The following EXT1 variants were observed in gnomAD, a reference collection of about 807,000 sequenced individuals.
EXT1 encodes exostosin-1.
A neutral mutation model predicts 82.5 loss-of-function variants in EXT1; 20 were observed. The observed-to-expected ratio is 0.24, with a 90% CI of 0.17 to 0.35. EXT1 has a LOEUF of 0.35. Ranked by LOEUF, EXT1 falls within the 10% of genes least tolerant of loss-of-function variation. EXT1 has a pLI of 1.00. For synonymous variants in EXT1, 348 were observed against 350.8 expected (o/e 0.99, Z 0.09); for missense variants, 757 against 936.5 (o/e 0.81, Z 2.50).
chr8:117,899,538 C>A (rs1813403873), intron 1 of EXT1, among the ~76,000 whole-genome samples: 1 of 152,180 alleles, frequency 6.6e-6, no homozygotes, highest in African/African-American at 2.4e-5. Context: ...GTTCACAGGA[C>A]ATCAGCTTCT....
intron 1 of EXT1, among the ~76,000 whole-genome samples, chr8:117,934,577 T>A (rs1241908783): frequency 6.6e-6 from 1 of 152,214 alleles, no homozygotes; most frequent in East Asian, 1.9e-4. Context: ...CTCATCTGGA[T>A]AACCCTCTTT....
chr8:117,954,529 T>A (rs1388364585), intron 1 of EXT1, among the ~76,000 whole-genome samples: 1 of 152,342 alleles, frequency 6.6e-6, no homozygotes, highest in African/African-American at 2.4e-5. Context: ...CTATTCGTTG[T>A]TATTTAGATT....
intron 1 of EXT1, among the ~76,000 whole-genome samples, chr8:117,857,851 T>C (rs1212068806): frequency 1.3e-5 from 2 of 152,174 alleles, no homozygotes; most frequent in African/African-American, 2.4e-5. Context: ...CCATTCTAGA[T>C]GCCATAAAGA....
intron 1 of EXT1, among the ~76,000 whole-genome samples, chr8:118,000,323 A>G (rs1815635540): frequency 6.6e-6 from 1 of 152,114 alleles, no homozygotes; most frequent in African/African-American, 2.4e-5. Context: ...CAAAATGAAC[A>G]ATCCCTGACT....
At chr8:117,918,570 G>A (rs1813796409) in intron 1 of EXT1, among the ~76,000 whole-genome samples, 1 of 152,214 alleles carries the variant, frequency 6.6e-6, no homozygotes, top group Non-Finnish European at 1.5e-5. Flanking sequence ...GTGACACTGT[G>A]TCTGTTTTAA....
intron 1 of EXT1, among the ~76,000 whole-genome samples, chr8:117,998,468 G>A (rs1280510281): frequency 6.6e-6 from 1 of 152,056 alleles, no homozygotes; most frequent in African/African-American, 2.4e-5. Flanking sequence ...GTGCCACCAA[G>A]TCTGGCTAAT....
intron 1 of EXT1, among the ~76,000 whole-genome samples, chr8:117,907,400 CTCTA>C (rs960421702): frequency 7.9e-5 from 12 of 152,200 alleles, no homozygotes; most frequent in South Asian, 2.1e-4. Flanking sequence ...TCGACAAAGC[CTCTA>C]TCTGTTTCAT....
At chr8:117,801,910 C>T (rs768870959) in intron 10 of EXT1, among the ~76,000 whole-genome samples, 8 of 152,210 alleles carry the variant, frequency 5.3e-5, no homozygotes, top group South Asian at 2.1e-4. Flanking sequence ...ACACTCATTC[C>T]TATTCAAAAA....
chr8:117,858,778 C>CA lies in EXT1; in HGVS notation c.963-21578dup, dbSNP rs1444424424. The stretch of plus-strand genomic sequence containing the variant: ...GAAGGAAGGAAGGAAGGCAGGCAGG[C>CA]AGGCAGGCAGGCAAGGCAAGGCAAG... On this transcript the variant is annotated intron_variant, in intron 1 of 10. Transcript: ENST00000378204. Among the ~76,000 whole-genome samples the CA allele has an allele frequency of 1.6e-3, 177 of 108,704 alleles. 1 individual carries two copies. Among genetic ancestry groups the CA allele is most frequent in the African/African-American group, 1.9e-3 (39 of 20,754 alleles). 71.3% of individuals were successfully genotyped at this position (108,704 alleles called of 152,430 possible). A position where few individuals can be genotyped will look rare whatever the true frequency, so the allele number is the denominator to read the frequency against.
At chr8:117,913,663 T>A (rs1231748451) in intron 1 of EXT1, among the ~76,000 whole-genome samples, 1 of 152,190 alleles carries the variant, frequency 6.6e-6, no homozygotes, top group Non-Finnish European at 1.5e-5. Flanking sequence ...GGCCTGCTAC[T>A]CTCAGCTTCT....
rs181958679 is a variant in EXT1, at chr8:118,034,110, T to C, written c.962+75975A>G. Among the ~76,000 whole-genome samples the C allele has an allele frequency of 2.3e-3, 345 of 152,334 alleles. 8 individuals carry two copies. The highest frequency in any genetic ancestry group is 0.02 in the Admixed American group (302 of 15,296). ...AGATTATTCAGATGGTAGCATATTG[T>C]ATCCACAATGTATTGGGTTCCTCTT... is the stretch of plus-strand genomic sequence containing the variant. On this transcript the variant is annotated intron_variant, in intron 1 of 10. Transcript: ENST00000378204.
intron 1 of EXT1, among the ~76,000 whole-genome samples, chr8:118,105,275 G>C (rs1406016423): frequency 1.3e-5 from 2 of 152,192 alleles, no homozygotes; most frequent in African/African-American, 2.4e-5. Context: ...TGCAGGTGTA[G>C]CATCTCCCCT....
chr8:117,885,402 A>C (rs1813128833), intron 1 of EXT1, among the ~76,000 whole-genome samples: 1 of 151,974 alleles, frequency 6.6e-6, no homozygotes, highest in Non-Finnish European at 1.5e-5. Flanking sequence ...CTAAAGTCTA[A>C]AGTTGTTCTG....
intron 1 of EXT1, among the ~76,000 whole-genome samples, chr8:117,960,900 G>A (rs1718522533): frequency 2.6e-5 from 4 of 152,076 alleles, no homozygotes; most frequent in East Asian, 1.9e-4. Flanking sequence ...GGAAAAACAC[G>A]ACAGCAATGA....
intron 1 of EXT1, among the ~76,000 whole-genome samples, chr8:117,982,401 G>A (rs781263929): frequency 4.6e-5 from 7 of 152,172 alleles, no homozygotes; most frequent in African/African-American, 1.7e-4. Flanking sequence ...GAAAAAAAGT[G>A]TCTAGCCCCT....
intron 1 of EXT1, among the ~76,000 whole-genome samples, chr8:117,986,046 G>A (rs957578762): frequency 4.6e-5 from 7 of 152,000 alleles, no homozygotes; most frequent in African/African-American, 1.2e-4. Context: ...TAAGGAAAGC[G>A]GTGACTCCTG....
At chr8:118,043,430 A>C (rs1586360606) in intron 1 of EXT1, among the ~76,000 whole-genome samples, 1 of 152,336 alleles carries the variant, frequency 6.6e-6, no homozygotes, top group East Asian at 1.9e-4. Context: ...CAAAGTCCCT[A>C]TCCAGAGTTT....
intron 1 of EXT1, among the ~76,000 whole-genome samples, chr8:117,907,679 A>G (rs1813567924): frequency 6.6e-6 from 1 of 152,232 alleles, no homozygotes; most frequent in African/African-American, 2.4e-5. Flanking sequence ...ATATGAATTC[A>G]TAAATTATGC....
At chr8:117,890,740 G>A (rs1428335629) in intron 1 of EXT1, among the ~76,000 whole-genome samples, 1 of 152,190 alleles carries the variant, frequency 6.6e-6, no homozygotes, top group Non-Finnish European at 1.5e-5. Context: ...AGGTGAAGGT[G>A]TGAGCAAGTT....
Sources: allele counts gnomAD v4.1 joint callset (sites outside exome capture counted in the v4.1 genomes callset), GRCh38; gene constraint gnomAD v4.1.1; transcripts MANE v1.5; gene names NCBI Gene and HGNC (gene_info 2026-07-23, HGNC 2026-07-21).